MATK: variants seen among roughly 807,000 people sequenced by gnomAD.
MATK encodes megakaryocyte-associated tyrosine-protein kinase.
A neutral mutation model predicts 59.8 loss-of-function variants in MATK; 41 were observed. That is an observed-to-expected ratio of 0.69 (90% CI 0.53 to 0.89). The LOEUF is 0.89. Ranked by LOEUF, MATK falls within the 40% of genes least tolerant of loss-of-function variation. The pLI, the probability that MATK is intolerant of heterozygous loss-of-function variation, is 0.00. For missense variants in MATK, 593 were observed against 719.6 expected, an observed-to-expected ratio of 0.82 and a Z score of 2.01; for synonymous variants, 308 against 306.1, an observed-to-expected ratio of 1.01 and a Z score of -0.06.
intron 8 of MATK, among the ~76,000 whole-genome samples, chr19:3,781,275 CCT>C: frequency 6.6e-6 from 1 of 152,210 alleles, no homozygotes; most frequent in South Asian, 2.1e-4. Context: ...TCTGCCGACC[CCT>C]GATCTAAACC....
intron 12 of MATK, 110 bp from the exon 13 acceptor site, chr19:3,778,705 T>A: frequency 8.1e-7 from 1 of 1,240,712 alleles, no homozygotes; most frequent in Non-Finnish European, 1.1e-6. Flanking sequence ...GGTCTTCTCC[T>A]AATTGAGTCC....
Position 3,785,093 on chromosome 19 carries a change from C to G in MATK, c.43G>C (p.Gly15Arg), listed in dbSNP as rs151078102. The change falls in exon 2 of 14, where the codon GGC becomes CGC. Residue 15 changes from glycine (G) to arginine (R), a missense_variant. Transcript: ENST00000310132. ...GGAAGTTCCTCAGCAGAATCACAGC[C>G]GTGAAATGCCCGCCAGGAAACCAGA... ...GSLVSWRAFHGCDSAEELPRV... is the reference protein window; with the variant it reads ...GSLVSWRAFHRCDSAEELPRV... 3 of 1,613,960 alleles carry G rather than the reference C, an allele frequency of 1.9e-6. No homozygotes were observed. The East Asian group carries it at 6.7e-5, about 36-fold the overall frequency.
intron 11 of MATK, 38 bp downstream of exon 11, chr19:3,779,340 C>T (rs539042051): frequency 8.7e-6 from 14 of 1,606,000 alleles, no homozygotes; most frequent in Admixed American, 3.3e-5. Flanking sequence ...TGCGCCCCGA[C>T]GACCCCAGTG....
Position 3,779,712 on chromosome 19 carries a change from C to G in MATK, c.828G>C (p.Glu276Asp). Reference protein sequence around the residue: ...CDVTAQAFLDETAVMTKMQHE... With the variant: ...CDVTAQAFLDDTAVMTKMQHE... ...CTGGGACTCACGTCATGACGGCCGT[C>G]TCGTCCAGGAAGGCCTGGGCTGTCA... Residue 276 changes from glutamate to aspartate, a missense_variant, in exon 9 of 14, where the codon GAG becomes GAC. Coordinates refer to ENST00000310132, the MANE Select transcript of MATK (RefSeq NM_139355.3). The G allele has an allele frequency of 6.2e-7, 1 of 1,613,086 alleles. No individual in the cohort carries two copies. Among genetic ancestry groups the G allele is most frequent in the Non-Finnish European group, 8.5e-7 (1 of 1,179,976 alleles).
chr19:3,801,400 G>T (rs187150645), intron 1 of MATK: 10 of 152,338 alleles, frequency 6.6e-5, no homozygotes, highest in African/African-American at 9.6e-5. Context: ...CTTAGCGGCC[G>T]CCTCTCGCTC....
chr19:3,784,905 A>G (rs1341468421), intron 2 of MATK, 21 bp from the exon 3 acceptor site: 3 of 1,499,806 alleles, frequency 2.0e-6, no homozygotes, highest in Non-Finnish European at 2.7e-6. Context: ...GACAGAGTCC[A>G]GGTGGGAGCT....
At chr19:3,782,107 C>T (rs2037410394) in intron 7 of MATK, among the ~76,000 whole-genome samples, 1 of 152,160 alleles carries the variant, frequency 6.6e-6, no homozygotes, top group Admixed American at 6.5e-5. Flanking sequence ...CTGGGCTCTT[C>T]CCTACACAGT....
rs1249954018 is a variant in MATK at position 3,779,709 on chromosome 19, C to T, written c.831G>A (p.Thr277=). The T allele has an allele frequency of 1.4e-5, 23 of 1,612,924 alleles. No individual in the cohort carries two copies. The East Asian group carries it at 2.7e-4, about 19-fold the overall frequency. The change falls in exon 9 of 14, where the codon ACG becomes ACA. Residue 277 remains threonine, a synonymous_variant. Transcript: ENST00000310132. ...DVTAQAFLDE[T]AVMTKMQHEN... ...ACCCTGGGACTCACGTCATGACGGC[C>T]GTCTCGTCCAGGAAGGCCTGGGCTG...
chr19:3,798,701 G>A (rs1044845357), intron 1 of MATK, among the ~76,000 whole-genome samples: 3 of 150,644 alleles, frequency 2.0e-5, no homozygotes, highest in Non-Finnish European at 3.0e-5. Context: ...TGGTAGAGAC[G>A]GGATTTCACC....
intron 3 of MATK, 158 bp from the exon 4 acceptor site, chr19:3,784,609 G>T: frequency 1.5e-6 from 1 of 647,686 alleles, no homozygotes; most frequent in South Asian, 1.8e-5. Flanking sequence ...GGGAAAGAAA[G>T]GGGGAGTGGG....
At chr19:3,790,691 C>T (rs1386153890), upstream of MATK, among the ~76,000 whole-genome samples, 5 of 152,200 alleles carry the variant, frequency 3.3e-5, no homozygotes, top group Non-Finnish European at 5.9e-5. Flanking sequence ...TGTTCCCTCT[C>T]CCCTGGAATG....
rs748525171 is a variant in MATK, at chr19:3,779,429, C to T, written c.950G>A (p.Arg317Gln). 12 of 1,613,280 alleles carry T rather than the reference C, an allele frequency of 7.4e-6. No homozygotes were observed. Among genetic ancestry groups the T allele is most frequent in the African/African-American group, 4.0e-5 (3 of 75,066 alleles). The change falls in exon 11 of 14, where the codon CGG becomes CAG. Residue 317 changes from arginine (R) to glutamine (Q), a missense_variant. Coordinates refer to ENST00000310132, the MANE Select transcript of MATK (RefSeq NM_139355.3). ...GTTCACGAGGGCTCGACCCCGGGTC[C>T]GCAGAAAGTTCACCAGGTTGCCCTG... ...VSKGNLVNFLRTRGRALVNTA... is the reference protein window; with the variant it reads ...VSKGNLVNFLQTRGRALVNTA...
chr19:3,785,349 T>A, intron 1 of MATK, 63 bp from the exon 2 acceptor site: 2 of 1,146,788 alleles, frequency 1.7e-6, no homozygotes, highest in Non-Finnish European at 2.4e-6. Flanking sequence ...CCCAAGAATC[T>A]CTGACCGTGG....
chr19:3,797,797 T>A (rs1283880910), intron 1 of MATK, among the ~76,000 whole-genome samples: 1 of 152,068 alleles, frequency 6.6e-6, no homozygotes, highest in African/African-American at 2.4e-5. Flanking sequence ...ATCCCAGCAC[T>A]TTAGGAGTCT....
At chr19:3,795,447 A>G (rs1272831694) in intron 1 of MATK, among the ~76,000 whole-genome samples, 1 of 151,294 alleles carries the variant, frequency 6.6e-6, no homozygotes, top group Non-Finnish European at 1.5e-5. Context: ...TAATTTTTGT[A>G]TTTTAGTAGA....
At position 3,786,377 on chromosome 19, in the gene MATK, G is replaced by T. The variant is rs951464785; in HGVS notation, c.-360C>A. On this transcript the variant is annotated 5_prime_UTR_variant, in exon 1 of 14. Coordinates refer to ENST00000310132, the MANE Select transcript of MATK (RefSeq NM_139355.3). This position sits in a 1 kb window ranked among gnomAD's most constrained non-coding sequence, Gnocchi z 4.1. ...GCCCCCGCGGGTCCTAGCGCCGGCC[G>T]CACTGCGGTCTCCTCCGCGCGCCGC... The T allele has an allele frequency of 1.2e-5, 12 of 982,182 alleles. No individual in the cohort carries two copies. The highest frequency in any genetic ancestry group is 1.8e-5 in the African/African-American group (1 of 56,858). 60.8% of individuals were successfully genotyped at this position (982,182 alleles called of 1,614,324 possible).
At position 3,785,161 on chromosome 19, in the gene MATK, G is replaced by T. The variant is rs754202301; in HGVS notation, c.-26C>A. ...CGCCCCCAGAGGGAAACTGAGGCAG[G>T]TGAGAGGCACACTGAGCAAGTGGTC... On this transcript the variant is annotated 5_prime_UTR_variant, in exon 2 of 14. Coordinates refer to ENST00000310132, the MANE Select transcript of MATK (RefSeq NM_139355.3). The T allele has an allele frequency of 1.2e-6, 2 of 1,613,868 alleles. No homozygotes were observed. The highest frequency in any genetic ancestry group is 2.2e-5 in the South Asian group (2 of 91,082).
In MATK at chr19:3,779,853, A is replaced by G. The variant is rs1473736277; in HGVS notation, c.743-56T>C. ...ATCAGGACCCCCAACAAACAGGGAC[A>G]GAGAGACAGACGGACAGGCCCGCTC... On this transcript the variant is annotated intron_variant, in intron 8 of 13. Coordinates refer to ENST00000310132, the MANE Select transcript of MATK (RefSeq NM_139355.3). 4.6e-5 allele frequency: 49 copies of G among 1,075,316 alleles called. No homozygotes were observed. The Admixed American group carries it at 8.3e-4, about 18-fold the overall frequency. The allele number at this position is 1,075,316 out of a possible 1,614,324, so 66.6% of individuals were successfully genotyped here.
intron 1 of MATK, among the ~76,000 whole-genome samples, chr19:3,791,829 C>T (rs1456333434): frequency 6.6e-6 from 1 of 151,864 alleles, no homozygotes; most frequent in African/African-American, 2.4e-5. Flanking sequence ...CAGCTGAGGC[C>T]AGGCACGGTG....
Sources: gnomAD v4.1 joint callset for allele counts (sites outside exome capture counted in the v4.1 genomes callset) on GRCh38, gnomAD v4.1.1 for gene constraint, Gnocchi (gnomAD v3.1) non-coding constraint, MANE v1.5 for transcripts, NCBI Gene and HGNC (gene_info 2026-07-23, HGNC 2026-07-21) for gene names.